NALF1: variants seen among roughly 807,000 people sequenced by gnomAD.
NALF1 encodes the protein family with sequence similarity 155 member A.
A neutral mutation model predicts 48.4 loss-of-function variants in NALF1; 3 were observed. The observed-to-expected ratio is 0.06, with a 90% CI of 0.03 to 0.16. NALF1 has a LOEUF of 0.16. NALF1 is among the 10% of genes least tolerant of loss of function. The pLI is 1.00. For synonymous variants in NALF1, 262 were observed against 245.7 expected, an observed-to-expected ratio of 1.07 and a Z score of -0.62; for missense variants, 526 against 571.5, an observed-to-expected ratio of 0.92 and a Z score of 0.81.
chr13:107,425,108 C>T (rs985545233), intron 1 of NALF1, among the ~76,000 whole-genome samples: 6 of 152,192 alleles, frequency 3.9e-5, no homozygotes, highest in East Asian at 1.9e-4. Flanking sequence ...TACAACATTA[C>T]GAAAGAAAGT....
At position 107,837,194 on chromosome 13, in the gene NALF1, T is replaced by C. The variant is rs140529341; in HGVS notation, c.915+28488A>G. On this transcript the variant is annotated intron_variant, in intron 1 of 2. Coordinates refer to ENST00000375915, the MANE Select transcript of NALF1 (RefSeq NM_001080396.3). Reference sequence around the variant, plus strand: ...CCTTTAAACAGGAAGAGCAAACTGATTTACAAATGCAGGATGCTCTATACA... The same window carrying C: ...CCTTTAAACAGGAAGAGCAAACTGACTTACAAATGCAGGATGCTCTATACA... Among the ~76,000 whole-genome samples the C allele has an allele frequency of 3.7e-3, 564 of 152,210 alleles. 3 individuals carry two copies. Among genetic ancestry groups the C allele is most frequent in the South Asian group, 0.013 (63 of 4,814 alleles).
chr13:107,847,247 TTC>T (rs1299867919), intron 1 of NALF1, among the ~76,000 whole-genome samples: 13 of 152,216 alleles, frequency 8.5e-5, no homozygotes, highest in African/African-American at 3.1e-4. Context: ...TATCAAACAT[TTC>T]TCTTTGATTT....
intron 1 of NALF1, among the ~76,000 whole-genome samples, chr13:107,400,489 G>A (rs1318146624): frequency 6.6e-6 from 1 of 152,012 alleles, no homozygotes; most frequent in Non-Finnish European, 1.5e-5. Flanking sequence ...GCTGAGGCGG[G>A]CAGATCACAA....
chr13:107,747,907 T>C (rs1222489084), intron 1 of NALF1, among the ~76,000 whole-genome samples: 1 of 152,196 alleles, frequency 6.6e-6, no homozygotes, highest in Non-Finnish European at 1.5e-5. Context: ...TTGTCTCCTG[T>C]ATGCAATCAA....
At chr13:107,493,012 T>C (rs1286045142) in intron 1 of NALF1, among the ~76,000 whole-genome samples, 1 of 152,200 alleles carries the variant, frequency 6.6e-6, no homozygotes, top group Non-Finnish European at 1.5e-5. Context: ...TGTGCAACAG[T>C]GGATCATCCA....
intron 1 of NALF1, among the ~76,000 whole-genome samples, chr13:107,395,178 T>C (rs1883691509): frequency 6.6e-6 from 1 of 152,174 alleles, no homozygotes; most frequent in Non-Finnish European, 1.5e-5. Context: ...TTGCCATTCT[T>C]TTCATGACTG....
At chr13:107,517,805 G>A (rs1490664045) in intron 1 of NALF1, among the ~76,000 whole-genome samples, 1 of 151,852 alleles carries the variant, frequency 6.6e-6, no homozygotes, top group Non-Finnish European at 1.5e-5. Flanking sequence ...AAATACAAAA[G>A]TTAGCCAGGC....
intron 1 of NALF1, among the ~76,000 whole-genome samples, chr13:107,513,443 G>C (rs1304244113): frequency 6.6e-6 from 1 of 151,874 alleles, no homozygotes; most frequent in Non-Finnish European, 1.5e-5. Context: ...CCTTGCCTCA[G>C]AGGAGGTTTG....
intron 1 of NALF1, among the ~76,000 whole-genome samples, chr13:107,718,674 TG>T (rs1270344061): frequency 6.6e-6 from 1 of 152,208 alleles, no homozygotes; most frequent in East Asian, 1.9e-4. Context: ...GAAGCCAGTG[TG>T]ATGTAGATCC....
intron 1 of NALF1, among the ~76,000 whole-genome samples, chr13:107,698,943 G>A (rs1398518972): frequency 6.6e-6 from 1 of 152,022 alleles, no homozygotes; most frequent in Non-Finnish European, 1.5e-5. Flanking sequence ...AGAAGTCTGG[G>A]ATCCTGATGA....
At chr13:107,675,755 G>A (rs1935134) in intron 1 of NALF1, among the ~76,000 whole-genome samples, 62,679 of 151,866 alleles carry the variant, frequency 0.41, 14,235 homozygotes, top group East Asian at 0.58. Context: ...TCTTGTCCTC[G>A]TACACTTTTG....
At chr13:107,459,961 C>G (rs948952086) in intron 1 of NALF1, among the ~76,000 whole-genome samples, 1 of 152,106 alleles carries the variant, frequency 6.6e-6, no homozygotes. Context: ...AAACTGGTCA[C>G]AAACTCCTGG....
At chr13:107,294,661 A>G (rs771334900) in intron 1 of NALF1, among the ~76,000 whole-genome samples, 5 of 152,230 alleles carry the variant, frequency 3.3e-5, no homozygotes, top group Non-Finnish European at 7.3e-5. Flanking sequence ...AAACTGAGGC[A>G]AAGAGAGCCC....
In NALF1 at chr13:107,170,353, TCAGGCC is replaced by T; in HGVS notation, c.*138_*143del. ...GCTGTGGTTGTGTCCTTGTTTGGAT[TCAGGCC>T]CATCTGTTTAAATTTTACCCTAAAG... On this transcript the variant is annotated 3_prime_UTR_variant, in exon 3 of 3. Coordinates refer to ENST00000375915, the MANE Select transcript of NALF1 (RefSeq NM_001080396.3). The T allele has an allele frequency of 1.4e-6, 1 of 693,130 alleles. No individual in the cohort carries two copies. The allele number at this position is 693,130 out of a possible 1,614,324, so 42.9% of individuals were successfully genotyped here.
At chr13:107,660,927 T>C (rs1880719937) in intron 1 of NALF1, among the ~76,000 whole-genome samples, 1 of 152,076 alleles carries the variant, frequency 6.6e-6, no homozygotes, top group South Asian at 2.1e-4. Flanking sequence ...ACTGTAAACC[T>C]AGAGTTTATC....
chr13:107,567,610 G>A (rs1594133660), intron 1 of NALF1, among the ~76,000 whole-genome samples: 1 of 152,318 alleles, frequency 6.6e-6, no homozygotes, highest in East Asian at 1.9e-4. Flanking sequence ...CCTAGAACTT[G>A]TTAAGATCTC....
At chr13:107,300,704 A>C (rs960400288) in intron 1 of NALF1, among the ~76,000 whole-genome samples, 2 of 152,212 alleles carry the variant, frequency 1.3e-5, no homozygotes, top group Non-Finnish European at 2.9e-5. Context: ...ATGAAATATA[A>C]AAGTACAGCA....
chr13:107,583,645 A>G (rs1878374228), intron 1 of NALF1, among the ~76,000 whole-genome samples: 1 of 152,182 alleles, frequency 6.6e-6, no homozygotes, highest in Admixed American at 6.5e-5. Flanking sequence ...ACATATGACT[A>G]TCAGCATTCT....
intron 1 of NALF1, among the ~76,000 whole-genome samples, chr13:107,682,372 C>G (rs759044225): frequency 2.0e-5 from 3 of 152,190 alleles, no homozygotes; most frequent in Non-Finnish European, 2.9e-5. Context: ...CCTCCTTGCA[C>G]TCATCCTGAG....
Sources: allele counts gnomAD v4.1 joint callset (sites outside exome capture counted in the v4.1 genomes callset), GRCh38; gene constraint gnomAD v4.1.1; transcripts MANE v1.5; gene names NCBI Gene and HGNC (gene_info 2026-07-23, HGNC 2026-07-21).